FAM184A: variants seen among roughly 807,000 people sequenced by gnomAD.
The protein encoded by FAM184A is protein FAM184A.
FAM184A carries 99 observed loss-of-function variants against 143.8 expected under a neutral mutation model. The observed-to-expected ratio is 0.69, with a 90% CI of 0.58 to 0.81. FAM184A has a LOEUF of 0.81. Among genes scored for constraint, FAM184A ranks in the 40% least tolerant of loss-of-function variants. The pLI is 0.00. For synonymous variants in FAM184A, 427 were observed against 446.4 expected (o/e 0.96, Z 0.55); for missense variants, 1,217 against 1,310.5 (o/e 0.93, Z 1.10).
intron 1 of FAM184A, among the ~76,000 whole-genome samples, chr6:119,109,608 C>T (rs1386438591): frequency 1.3e-5 from 2 of 152,192 alleles, no homozygotes; most frequent in African/African-American, 4.8e-5. Flanking sequence ...ATTATCTTGA[C>T]CTTGTGGCAT....
intron 1 of FAM184A, among the ~76,000 whole-genome samples, chr6:119,091,535 G>A (rs1463012493): frequency 6.6e-6 from 1 of 152,160 alleles, no homozygotes; most frequent in Non-Finnish European, 1.5e-5. Flanking sequence ...TGCCCATGTT[G>A]TCTTGTTGTG....
chr6:119,009,029 C>T (rs1785011571), intron 6 of FAM184A, among the ~76,000 whole-genome samples: 1 of 152,082 alleles, frequency 6.6e-6, no homozygotes, highest in African/African-American at 2.4e-5. Context: ...AAGCACACTA[C>T]CTGAAATGGA....
At chr6:119,089,605 T>G (rs1385787029) in intron 1 of FAM184A, among the ~76,000 whole-genome samples, 1 of 152,186 alleles carries the variant, frequency 6.6e-6, no homozygotes, top group African/African-American at 2.4e-5. Context: ...GCCCAGCCAT[T>G]ATTTCATATT....
intron 1 of FAM184A, among the ~76,000 whole-genome samples, chr6:119,120,007 T>C (rs1266828045): frequency 6.6e-6 from 1 of 152,110 alleles, no homozygotes; most frequent in African/African-American, 2.4e-5. Context: ...AATAGTCTTA[T>C]TGAGACATAA....
intron 9 of FAM184A, among the ~76,000 whole-genome samples, chr6:118,980,606 C>A (rs1177729866): frequency 2.0e-5 from 3 of 152,072 alleles, no homozygotes; most frequent in Admixed American, 1.3e-4. Flanking sequence ...CTGCAGCCCA[C>A]ATTTAGAATA....
At chr6:118,970,487 A>G (rs1166806154) in intron 14 of FAM184A, among the ~76,000 whole-genome samples, 1 of 152,188 alleles carries the variant, frequency 6.6e-6, no homozygotes, top group Non-Finnish European at 1.5e-5. Flanking sequence ...ATTTTTCAGT[A>G]GTGATAAATG....
chr6:118,986,104 T>C (rs552055932), intron 9 of FAM184A, among the ~76,000 whole-genome samples: 100 of 152,174 alleles, frequency 6.6e-4, no homozygotes, highest in Non-Finnish European at 1.3e-3. Flanking sequence ...CCATCCTGGC[T>C]AACACGGTGA....
intron 9 of FAM184A, among the ~76,000 whole-genome samples, chr6:118,996,700 G>C (rs1378452098): frequency 6.6e-6 from 1 of 151,962 alleles, no homozygotes; most frequent in Non-Finnish European, 1.5e-5. Context: ...CAAGGAATCT[G>C]ACTGAGTTAT....
At chr6:119,116,885 A>C (rs760078393) in intron 1 of FAM184A, among the ~76,000 whole-genome samples, 39 of 152,224 alleles carry the variant, frequency 2.6e-4, no homozygotes, top group Non-Finnish European at 4.4e-4. Flanking sequence ...GCATCTGGAG[A>C]GGAAGCAGAG....
rs374951012 is a variant in FAM184A, at chr6:119,120,848, C to CTT, written c.-202+28228_-202+28229dup. Among the ~76,000 whole-genome samples the CTT allele has an allele frequency of 1.7e-3, 166 of 98,250 alleles. 1 individual carries two copies. The South Asian group carries it at 0.023, about 14-fold the overall frequency. 64.5% of individuals were successfully genotyped at this position (98,250 alleles called of 152,430 possible). On this transcript the variant is annotated intron_variant, in intron 1 of 16. Coordinates refer to the FAM184A transcript ENST00000352896. ...TCTTCCTTTCTTTCTTTCTTTCTTT[C>CTT]TTTTTTTTTTTTTTTAGGAGACAGG...
rs10643600 is a variant in FAM184A at position 118,969,992 on chromosome 6, T to TATAC, written c.2916-3041_2916-3040insGTAT. Reference sequence around the variant, plus strand: ...AAAATTGTTTGGGTGTATATATATATAATATATATATATATATTTTTTTTT... The same window carrying TATAC: ...AAAATTGTTTGGGTGTATATATATATATACAATATATATATATATATTTTTTTTT... On this transcript the variant is annotated intron_variant, in intron 14 of 17. Transcript: ENST00000338891. 8.1e-3 allele frequency among the ~76,000 whole-genome samples: 122 copies of TATAC among 15,028 alleles called. 8 individuals carry two copies. The highest frequency in any genetic ancestry group is 0.026 in the African/African-American group (118 of 4,598). 9.9% of individuals were successfully genotyped at this position (15,028 alleles called of 152,430 possible). A position where few individuals can be genotyped will look rare whatever the true frequency, so the allele number is the denominator to read the frequency against.
chr6:119,046,075 C>G (rs992353391), intron 1 of FAM184A, among the ~76,000 whole-genome samples: 15 of 152,136 alleles, frequency 9.9e-5, no homozygotes, highest in Non-Finnish European at 7.4e-5. Flanking sequence ...CTTATTACAA[C>G]TGTTATCTTT....
intron 1 of FAM184A, among the ~76,000 whole-genome samples, chr6:119,127,561 C>A (rs558945128): frequency 6.6e-6 from 1 of 152,290 alleles, no homozygotes; most frequent in East Asian, 1.9e-4. Flanking sequence ...CATGCCCCTG[C>A]CACTATCTAA....
chr6:119,024,788 T>A lies in FAM184A; in HGVS notation c.185A>T (p.Asn62Ile). ...TTGAATTGCAGATTCATGCTCATCATTTTTAGTGTTTAAAGCATATATTAC... is the reference window on the plus strand; with the variant it reads ...TTGAATTGCAGATTCATGCTCATCAATTTTAGTGTTTAAAGCATATATTAC... ...TKVIYALNTK[N>I]DEHESAIQAL... The change falls in exon 2 of 18, where the codon AAT (asparagine) becomes ATT (isoleucine). Residue 62 changes from asparagine to isoleucine, a missense_variant. By Grantham distance (149) the Asn-to-Ile change is moderately radical. Transcript: ENST00000338891. 6.2e-7 allele frequency: 1 copy of A among 1,609,286 alleles called. No homozygotes were observed. The highest frequency in any genetic ancestry group is 8.5e-7 in the Non-Finnish European group (1 of 1,178,720).
intron 1 of FAM184A, among the ~76,000 whole-genome samples, chr6:119,147,240 A>G (rs1772475805): frequency 1.3e-5 from 2 of 152,120 alleles, no homozygotes; most frequent in Non-Finnish European, 2.9e-5. Flanking sequence ...TCAGCTACAT[A>G]GTAGTGGCTG....
intron 14 of FAM184A, among the ~76,000 whole-genome samples, chr6:118,971,062 GA>G (rs1211552840): frequency 6.6e-6 from 1 of 152,046 alleles, no homozygotes; most frequent in East Asian, 1.9e-4. Context: ...TTATAAAGAT[GA>G]AAAAACTCCT....
At chr6:119,055,846 C>A (rs2114756365) in intron 1 of FAM184A, among the ~76,000 whole-genome samples, 1 of 152,240 alleles carries the variant, frequency 6.6e-6, no homozygotes, top group South Asian at 2.1e-4. Flanking sequence ...ATGCCCCTTG[C>A]CTAATAAATC....
intron 1 of FAM184A, among the ~76,000 whole-genome samples, chr6:119,126,546 G>T (rs189172698): frequency 2.0e-5 from 3 of 152,186 alleles, no homozygotes; most frequent in Admixed American, 6.5e-5. Flanking sequence ...TCCGGGCACC[G>T]GCAAGAGCAA....
At chr6:119,033,873 T>C (rs1332321044) in intron 1 of FAM184A, among the ~76,000 whole-genome samples, 2 of 146,856 alleles carry the variant, frequency 1.4e-5, no homozygotes, top group East Asian at 4.0e-4. Flanking sequence ...GCGTCTGTAA[T>C]CCCAGCTACC....
Sources: gnomAD v4.1 joint callset for allele counts (sites outside exome capture counted in the v4.1 genomes callset) on GRCh38, gnomAD v4.1.1 for gene constraint, MANE v1.5 for transcripts, NCBI Gene and HGNC (gene_info 2026-07-23, HGNC 2026-07-21) for gene names.